PTCHD4: variants seen among roughly 807,000 people sequenced by gnomAD.
PTCHD4 encodes patched domain-containing protein 4.
In PTCHD4, 33 loss-of-function variants were observed where a neutral mutation model predicts 58.1. That is an observed-to-expected ratio of 0.57 (90% CI 0.43 to 0.76). The LOEUF is 0.76. Ranked by LOEUF, PTCHD4 falls within the 30% of genes least tolerant of loss-of-function variation. The pLI is 0.00. For synonymous variants in PTCHD4, 478 were observed against 409.6 expected, an observed-to-expected ratio of 1.17 and a Z score of -2.02; for missense variants, 1,058 against 1,027.1, an observed-to-expected ratio of 1.03 and a Z score of -0.41.
At chr6:48,012,891 G>A (rs1015420704) in intron 3 of PTCHD4, among the ~76,000 whole-genome samples, 1 of 152,160 alleles carries the variant, frequency 6.6e-6, no homozygotes, top group Non-Finnish European at 1.5e-5. Flanking sequence ...ATTTGCATAT[G>A]TTGAACTAGC....
At chr6:48,094,812 G>T (rs1408036005) in intron 1 of PTCHD4, among the ~76,000 whole-genome samples, 1 of 152,192 alleles carries the variant, frequency 6.6e-6, no homozygotes, top group Non-Finnish European at 1.5e-5. Context: ...GTTAGAGGAA[G>T]AAGTGACTTT....
intron 3 of PTCHD4, among the ~76,000 whole-genome samples, chr6:48,036,707 G>A (rs893884050): frequency 7.9e-5 from 12 of 152,104 alleles, no homozygotes; most frequent in African/African-American, 2.9e-4. Flanking sequence ...CCCACAAAGT[G>A]CTTTCTTAAA....
At chr6:47,965,253 G>A (rs1767243697) in intron 4 of PTCHD4, among the ~76,000 whole-genome samples, 1 of 152,196 alleles carries the variant, frequency 6.6e-6, no homozygotes, top group East Asian at 1.9e-4. Flanking sequence ...ATTTTTAACT[G>A]AAACTAACTA....
intron 4 of PTCHD4, among the ~76,000 whole-genome samples, chr6:47,912,952 G>C (rs2113870301): frequency 6.6e-6 from 1 of 152,166 alleles, no homozygotes; most frequent in East Asian, 1.9e-4. Context: ...CCATGTGATT[G>C]CTCAAGATGA....
intron 1 of PTCHD4, among the ~76,000 whole-genome samples, chr6:48,089,228 T>G (rs1039418837): frequency 3.9e-5 from 6 of 152,312 alleles, no homozygotes; most frequent in African/African-American, 1.4e-4. Context: ...TTACCATGTC[T>G]GTATTCTAAA....
At position 47,875,494 on chromosome 6, in the gene PTCHD4, G is replaced by T. The variant is rs1763824366; in HGVS notation, c.*2809C>A. On this transcript the variant is annotated 3_prime_UTR_variant, in exon 5 of 5. Transcript: ENST00000339488. ...CCTAGGACTGCATTAAGACACTTTA[G>T]GTGGTATATTAACTCTTCCAGAACA... Among the ~76,000 whole-genome samples, 1 of 151,744 alleles carries T rather than the reference G, an allele frequency of 6.6e-6. No homozygotes were observed. The highest frequency in any genetic ancestry group is 1.5e-5 in the Non-Finnish European group (1 of 67,852).
intron 3 of PTCHD4, among the ~76,000 whole-genome samples, chr6:48,048,306 T>G (rs1562026034): frequency 6.6e-6 from 1 of 151,980 alleles, no homozygotes; most frequent in Non-Finnish European, 1.5e-5. Context: ...TGTCATCTAT[T>G]TTCTACTAAC....
At chr6:47,886,218 A>G (rs1354899801) in intron 4 of PTCHD4, among the ~76,000 whole-genome samples, 1 of 151,736 alleles carries the variant, frequency 6.6e-6, no homozygotes, top group Non-Finnish European at 1.5e-5. Flanking sequence ...TCCAAAACCT[A>G]CAATTCCAAA....
intron 4 of PTCHD4, among the ~76,000 whole-genome samples, chr6:47,963,771 A>G (rs1223208435): frequency 6.6e-6 from 1 of 152,194 alleles, no homozygotes; most frequent in East Asian, 1.9e-4. Context: ...TGATTTTTTA[A>G]TCGTTACAAT....
chr6:48,107,699 C>T (rs1326837911), intron 1 of PTCHD4, among the ~76,000 whole-genome samples: 1 of 152,102 alleles, frequency 6.6e-6, no homozygotes, highest in East Asian at 1.9e-4. Flanking sequence ...GCAACCTACT[C>T]ATCTGACAAA....
chr6:48,019,525 A>T (rs1762984309), intron 3 of PTCHD4, among the ~76,000 whole-genome samples: 1 of 152,204 alleles, frequency 6.6e-6, no homozygotes, highest in South Asian at 2.1e-4. Flanking sequence ...TTATGAAGTC[A>T]GGAGATTGAG....
chr6:48,054,886 T>A (rs1764354401), intron 3 of PTCHD4, among the ~76,000 whole-genome samples: 2 of 152,160 alleles, frequency 1.3e-5, no homozygotes, highest in Admixed American at 1.3e-4. Context: ...TATATTAATA[T>A]AAACTAGCTA....
intron 3 of PTCHD4, among the ~76,000 whole-genome samples, chr6:48,020,077 T>C (rs923134321): frequency 2.0e-5 from 3 of 152,076 alleles, no homozygotes; most frequent in African/African-American, 7.2e-5. Context: ...TTCTCAGAGA[T>C]GGACACTGGC....
chr6:47,938,705 T>C (rs1766103251), intron 4 of PTCHD4, among the ~76,000 whole-genome samples: 4 of 152,332 alleles, frequency 2.6e-5, no homozygotes, highest in Middle Eastern at 3.4e-3. Context: ...GTGTTTTTCT[T>C]CAACCATATT....
At chr6:48,060,647 T>C (rs1051711389) in intron 3 of PTCHD4, among the ~76,000 whole-genome samples, 4 of 152,180 alleles carry the variant, frequency 2.6e-5, no homozygotes, top group Admixed American at 2.6e-4. Flanking sequence ...CTAATTTCTG[T>C]ATTTTTTCAT....
In PTCHD4 at chr6:48,008,728, T is replaced by C. The variant is rs1284151962; in HGVS notation, c.804A>G (p.Thr268=). 1.2e-6 allele frequency: 2 copies of C among 1,613,932 alleles called. No individual in the cohort carries two copies. The highest frequency in any genetic ancestry group is 1.7e-5 in the Admixed American group (1 of 59,986). Residue 268 remains threonine, a synonymous_variant, in exon 4 of 5, where the codon ACA becomes ACG. Coordinates refer to ENST00000339488, the MANE Select transcript of PTCHD4 (RefSeq NM_001384253.1). ...CTGCTGTGATGATGGAGATGCATAC[T>C]GTGAGCACCCCCAGGAGGCCCAGGA... is the stretch of plus-strand genomic sequence containing the variant. ...KPFLGLLGVL[T]VCISIITAAG...
intron 4 of PTCHD4, among the ~76,000 whole-genome samples, chr6:48,005,886 C>T (rs1180939985): frequency 6.6e-6 from 1 of 152,112 alleles, no homozygotes; most frequent in East Asian, 1.9e-4. Context: ...CACAGAACTG[C>T]CCAATATAAC....
chr6:48,096,933 C>T (rs554906998), intron 1 of PTCHD4, among the ~76,000 whole-genome samples: 3 of 152,066 alleles, frequency 2.0e-5, no homozygotes, highest in Non-Finnish European at 4.4e-5. Flanking sequence ...TAGTTATATA[C>T]ACAAATATTG....
intron 3 of PTCHD4, among the ~76,000 whole-genome samples, chr6:48,053,826 C>G (rs534141716): frequency 6.6e-6 from 1 of 152,220 alleles, no homozygotes; most frequent in African/African-American, 2.4e-5. Flanking sequence ...AGCTACAGAG[C>G]TCCCATGGGG....
Sources: allele counts gnomAD v4.1 joint callset (sites outside exome capture counted in the v4.1 genomes callset), GRCh38; gene constraint gnomAD v4.1.1; transcripts MANE v1.5; gene names NCBI Gene and HGNC (gene_info 2026-07-23, HGNC 2026-07-21).